GPC5: variants seen among roughly 807,000 people sequenced by gnomAD.
GPC5 encodes the protein glypican-5.
In GPC5, 47 loss-of-function variants were observed where a neutral mutation model predicts 53.9. The observed-to-expected ratio is 0.87, with a 90% CI of 0.69 to 1.11. GPC5 has a LOEUF of 1.11. GPC5 is among the 50% of genes most tolerant of loss of function. The pLI is 0.00. For synonymous variants in GPC5, 286 were observed against 263.3 expected, an observed-to-expected ratio of 1.09 and a Z score of -0.84; for missense variants, 748 against 713.1, an observed-to-expected ratio of 1.05 and a Z score of -0.56.
At chr13:92,344,008 C>T (rs1272628042) in intron 7 of GPC5, among the ~76,000 whole-genome samples, 2 of 151,976 alleles carry the variant, frequency 1.3e-5, no homozygotes, top group Admixed American at 6.6e-5. Flanking sequence ...TTGTTGTTTT[C>T]CTGCCCAGCC....
intron 7 of GPC5, among the ~76,000 whole-genome samples, chr13:92,827,811 TA>T (rs1252337959): frequency 6.6e-6 from 1 of 151,866 alleles, no homozygotes; most frequent in Non-Finnish European, 1.5e-5. Context: ...GGACTAAAAC[TA>T]GATGGAAGAG....
chr13:92,517,934 G>C (rs1244023939), intron 7 of GPC5, among the ~76,000 whole-genome samples: 1 of 152,184 alleles, frequency 6.6e-6, no homozygotes, highest in Non-Finnish European at 1.5e-5. Flanking sequence ...CTTGAAAAAA[G>C]ATTAGATGAA....
intron 5 of GPC5, among the ~76,000 whole-genome samples, chr13:91,792,624 G>A (rs551735146): frequency 6.6e-6 from 1 of 152,064 alleles, no homozygotes; most frequent in African/African-American, 2.4e-5. Flanking sequence ...AGCCTAGCAG[G>A]GTATTTTTTT....
intron 7 of GPC5, among the ~76,000 whole-genome samples, chr13:92,288,176 T>G (rs1158142907): frequency 6.6e-6 from 1 of 152,184 alleles, no homozygotes; most frequent in Non-Finnish European, 1.5e-5. Context: ...AGTTTCTTTC[T>G]ATGATTTTCT....
intron 7 of GPC5, among the ~76,000 whole-genome samples, chr13:92,480,360 ATAAT>A (rs1196287892): frequency 1.3e-5 from 2 of 152,194 alleles, no homozygotes; most frequent in Admixed American, 1.3e-4. Flanking sequence ...AAAAGCTTAA[ATAAT>A]CTTTATTCTT....
At position 92,867,161 on chromosome 13, in the gene GPC5, A is replaced by G. The variant is rs1172403503; in HGVS notation, c.*722A>G. ...GCTCCCATCTCTCTCTTTGCCTCAT[A>G]GATTTAGCTATGTTGGGAAGCACAT... On this transcript the variant is annotated 3_prime_UTR_variant, in exon 8 of 8. Coordinates refer to ENST00000377067, the MANE Select transcript of GPC5 (RefSeq NM_004466.6). 6.6e-6 allele frequency: 1 copy of G among 152,102 alleles called. No individual in the cohort carries two copies. The allele number at this position is 152,102 out of a possible 1,614,324, so 9.4% of individuals were successfully genotyped here.
In GPC5 at chr13:91,560,511, A is replaced by G. The variant is rs1414142368; in HGVS notation, c.325+111589A>G. On this transcript the variant is annotated intron_variant, in intron 2 of 7. Transcript: ENST00000377067. Reference sequence around the variant, plus strand: ...AGGCAGAGACATGCCAGTAATCACAATGCCTTAGCTTAAAGGGATTTGGGG... The same window carrying G: ...AGGCAGAGACATGCCAGTAATCACAGTGCCTTAGCTTAAAGGGATTTGGGG... Among the ~76,000 whole-genome samples the G allele has an allele frequency of 2.6e-5, 4 of 152,138 alleles. 1 individual carries two copies. Among genetic ancestry groups the G allele is most frequent in the South Asian group, 4.1e-4 (2 of 4,832 alleles).
At chr13:92,667,038 T>A (rs1886595968) in intron 7 of GPC5, among the ~76,000 whole-genome samples, 1 of 152,196 alleles carries the variant, frequency 6.6e-6, no homozygotes, top group East Asian at 1.9e-4. Flanking sequence ...TAATTTTCAA[T>A]AGATGAGGGT....
At chr13:92,444,660 T>C (rs1256629957) in intron 7 of GPC5, among the ~76,000 whole-genome samples, 1 of 139,244 alleles carries the variant, frequency 7.2e-6, no homozygotes, top group Non-Finnish European at 1.5e-5. Flanking sequence ...AATAATAGGA[T>C]GGCCCTCTAG....
intron 7 of GPC5, among the ~76,000 whole-genome samples, chr13:92,563,561 T>C (rs1161491844): frequency 2.0e-5 from 3 of 152,042 alleles, no homozygotes; most frequent in Admixed American, 2.0e-4. Context: ...TTAAATCCAG[T>C]GCTCAATAAC....
intron 2 of GPC5, among the ~76,000 whole-genome samples, chr13:91,681,668 G>A (rs2035511821): frequency 6.6e-6 from 1 of 151,934 alleles, no homozygotes; most frequent in South Asian, 2.1e-4. Context: ...TTTCTCCACA[G>A]TGTATTTGGT....
intron 7 of GPC5, among the ~76,000 whole-genome samples, chr13:92,282,486 G>A (rs150720684): frequency 0.012 from 1,850 of 152,240 alleles, 37 homozygotes; most frequent in Middle Eastern, 0.044. Context: ...AATGTTAAGG[G>A]CAGCAAGAGA....
At chr13:91,558,376 G>T (rs2138887910) in intron 2 of GPC5, among the ~76,000 whole-genome samples, 1 of 152,158 alleles carries the variant, frequency 6.6e-6, no homozygotes, top group African/African-American at 2.4e-5. Flanking sequence ...GAAGCATATT[G>T]TTTTAGTTAC....
intron 2 of GPC5, among the ~76,000 whole-genome samples, chr13:91,510,735 G>A (rs1307439246): frequency 3.3e-5 from 5 of 151,856 alleles, no homozygotes; most frequent in Non-Finnish European, 7.4e-5. Context: ...CTTCCATAAT[G>A]GATATAACTA....
chr13:92,096,913 C>T (rs1277703117), intron 6 of GPC5, among the ~76,000 whole-genome samples: 1 of 152,094 alleles, frequency 6.6e-6, no homozygotes. Flanking sequence ...CTTTGAGGAG[C>T]ATGACATAAT....
At chr13:91,702,283 C>T (rs183255627) in intron 3 of GPC5, among the ~76,000 whole-genome samples, 1 of 152,172 alleles carries the variant, frequency 6.6e-6, no homozygotes. Context: ...ATATGCATAG[C>T]ATTTTAGCTT....
chr13:91,484,501 G>A (rs1254893425), intron 2 of GPC5, among the ~76,000 whole-genome samples: 1 of 152,112 alleles, frequency 6.6e-6, no homozygotes, highest in African/African-American at 2.4e-5. Context: ...TTCTGAGAAA[G>A]TTTAAGTTTG....
intron 5 of GPC5, among the ~76,000 whole-genome samples, chr13:91,789,177 C>T (rs2037924813): frequency 6.6e-6 from 1 of 151,680 alleles, no homozygotes; most frequent in African/African-American, 2.4e-5. Context: ...CGTGCCACTG[C>T]ACTCTAGCCT....
intron 5 of GPC5, among the ~76,000 whole-genome samples, chr13:91,794,246 A>G (rs886080149): frequency 2.0e-5 from 3 of 152,198 alleles, no homozygotes; most frequent in Admixed American, 6.5e-5. Context: ...TTTATCTTAG[A>G]CTAGTGAGAC....
Sources: allele counts gnomAD v4.1 joint callset (sites outside exome capture counted in the v4.1 genomes callset), GRCh38; gene constraint gnomAD v4.1.1; transcripts MANE v1.5; gene names NCBI Gene and HGNC (gene_info 2026-07-23, HGNC 2026-07-21).